TTC38: variants seen among roughly 807,000 people sequenced by gnomAD.
TTC38 encodes tetratricopeptide repeat protein 38.
Under a neutral mutation model 64.2 loss-of-function variants are expected in TTC38, and 64 were observed. The observed-to-expected ratio is 1.00, with a 90% CI of 0.81 to 1.23. TTC38 has a LOEUF of 1.23. Ranked by LOEUF, TTC38 falls within the 50% of genes most tolerant of loss-of-function variation. The pLI is 0.00. For missense variants in TTC38, 573 were observed against 615.5 expected (o/e 0.93, Z 0.73); for synonymous variants, 254 against 249.3 (o/e 1.02, Z -0.18).
rs374547791 is a variant in TTC38 at position 46,288,468 on chromosome 22, G to C, written c.962G>C (p.Arg321Pro). The C allele has an allele frequency of 1.2e-6, 2 of 1,613,864 alleles. No individual in the cohort carries two copies. The highest frequency in any genetic ancestry group is 1.7e-5 in the Admixed American group (1 of 59,996). The change falls in exon 11 of 14, where the codon CGG becomes CCG. Residue 321 changes from arginine (R) to proline (P), a missense_variant. Physicochemically the swap from Arg to Pro is moderately radical, Grantham distance 103 (BLOSUM62 -2). Around this residue, in one of 3 missense-constraint regions of TTC38, gnomAD observed 371 missense variants for 381.8 expected, o/e 0.97. Coordinates refer to ENST00000381031, the MANE Select transcript of TTC38 (RefSeq NM_017931.4). ...TGGCAGGATGTCCTGCCTGTGGCCC[G>C]GAAGCACAGCCGAGACCACATCCTG... ...QRWQDVLPVA[R>P]KHSRDHILLF...
chr22:46,280,499 AAGC>A (rs1476726234), intron 6 of TTC38, among the ~76,000 whole-genome samples: 4 of 152,248 alleles, frequency 2.6e-5, no homozygotes, highest in African/African-American at 9.6e-5. Context: ...CCATTCGTGA[AAGC>A]AGCATGCTTA....
In TTC38 at chr22:46,281,710, T is replaced by G. The variant is rs130642; in HGVS notation, c.727T>G (p.Phe243Val). 1.2e-6 allele frequency: 2 copies of G among 1,613,858 alleles called. No homozygotes were observed. Among genetic ancestry groups the G allele is most frequent in the African/African-American group, 2.7e-5 (2 of 74,938 alleles). Residue 243 changes from phenylalanine (F) to valine (V), a missense_variant, in exon 7 of 14, where the codon TTC becomes GTC. By Grantham distance (50) the Phe-to-Val change is conservative. Around this residue, in one of 3 missense-constraint regions of TTC38, gnomAD observed 371 missense variants for 381.8 expected, o/e 0.97. Coordinates refer to ENST00000381031, the MANE Select transcript of TTC38 (RefSeq NM_017931.4). The surrounding 1 kb of genome is among the most constrained non-coding windows in gnomAD (Gnocchi z 5.2). ...GLEFMQHSETFWKDSDMLACH... is the reference protein window; with the variant it reads ...GLEFMQHSETVWKDSDMLACH... Reference sequence around the variant, plus strand: ...GGAATTCATGCAGCACTCAGAGACCTTCTGGAAGGTATGATGCTTGTCAAT... The same window carrying G: ...GGAATTCATGCAGCACTCAGAGACCGTCTGGAAGGTATGATGCTTGTCAAT...
At position 46,268,701 on chromosome 22, in the gene TTC38, T is replaced by C. The variant is rs1330885020; in HGVS notation, c.111+110T>C. ...TGTTTTGTTTTGTTTTGTTTTGTTT[T>C]TGAGGCGGAGTCTCGCTCTGTCGCC... On this transcript the variant is annotated intron_variant, in intron 2 of 13. Transcript: ENST00000381031. The C allele has an allele frequency of 1.8e-6, 2 of 1,091,484 alleles. 1 individual carries two copies. The highest frequency in any genetic ancestry group is 3.3e-5 in the African/African-American group (2 of 61,122). 67.6% of individuals were successfully genotyped at this position (1,091,484 alleles called of 1,614,324 possible). A position where few individuals can be genotyped will look rare whatever the true frequency, so the allele number is the denominator to read the frequency against.
chr22:46,292,664 T>C lies in TTC38; in HGVS notation c.1317-127T>C, dbSNP rs975390563. The C allele has an allele frequency of 1.8e-5, 15 of 829,648 alleles. No individual in the cohort carries two copies. Among genetic ancestry groups the C allele is most frequent in the Admixed American group, 5.8e-5 (3 of 51,660 alleles). The allele number at this position is 829,648 out of a possible 1,614,324, so 51.4% of individuals were successfully genotyped here. On this transcript the variant is annotated intron_variant, in intron 13 of 13. Transcript: ENST00000381031. The surrounding 1 kb of genome is among the most constrained non-coding windows in gnomAD (Gnocchi z 6.5). Reference sequence around the variant, plus strand: ...GGCCAGGCCTCCTGCCCCTGGGCCTTGGCCCTTGCTGTTCCCTCAGTGCCG... The same window carrying C: ...GGCCAGGCCTCCTGCCCCTGGGCCTCGGCCCTTGCTGTTCCCTCAGTGCCG...
chr22:46,268,286 C>T (rs1481734179), intron 1 of TTC38, among the ~76,000 whole-genome samples: 2 of 152,210 alleles, frequency 1.3e-5, no homozygotes, highest in South Asian at 2.1e-4. Flanking sequence ...TCAGGGTACT[C>T]GGGAGACCCC....
rs1353878240 is a variant in TTC38, at chr22:46,284,106, G to C, written c.795+74G>C. The stretch of plus-strand genomic sequence containing the variant: ...AGGGAGAAAGATTTTTCTAGCTTTT[G>C]CTATGTATTCACATCCGTTGGAGCC... On this transcript the variant is annotated intron_variant, in intron 8 of 13. Transcript: ENST00000381031. 2.3e-6 allele frequency: 3 copies of C among 1,320,668 alleles called. No individual in the cohort carries two copies. In the African/African-American group the frequency reaches 4.4e-5, roughly 19 times the overall value. The allele number at this position is 1,320,668 out of a possible 1,614,324, so 81.8% of individuals were successfully genotyped here.
In TTC38 at chr22:46,291,813, G is replaced by A. The variant is rs1293860458; in HGVS notation, c.1317-978G>A. Reference sequence around the variant, plus strand: ...CTACTAAAAATACAAAAAATTAGCCGGGCGTGGTGGTGGGTACCTGTAATC... The same window carrying A: ...CTACTAAAAATACAAAAAATTAGCCAGGCGTGGTGGTGGGTACCTGTAATC... On this transcript the variant is annotated intron_variant, in intron 13 of 13. Transcript: ENST00000381031. The surrounding 1 kb of genome is among the most constrained non-coding windows in gnomAD (Gnocchi z 4.6). 1.3e-5 allele frequency among the ~76,000 whole-genome samples: 2 copies of A among 152,136 alleles called. No individual in the cohort carries two copies. The highest frequency in any genetic ancestry group is 2.9e-5 in the Non-Finnish European group (2 of 68,032).
Position 46,291,235 on chromosome 22 carries a change from T to C in TTC38, c.1316+1336T>C, listed in dbSNP as rs572156301. On this transcript the variant is annotated intron_variant, in intron 13 of 13. Coordinates refer to ENST00000381031, the MANE Select transcript of TTC38 (RefSeq NM_017931.4). This position sits in a 1 kb window ranked among gnomAD's most constrained non-coding sequence, Gnocchi z 4.6. ...TTGGTGGTCAAGCCCCCTGGGGAGC[T>C]CAGGCTGTGGTGTGGGTGGGAGTTG... Among the ~76,000 whole-genome samples, 1 of 152,286 alleles carries C rather than the reference T, an allele frequency of 6.6e-6. No homozygotes were observed. The highest frequency in any genetic ancestry group is 1.9e-4 in the East Asian group (1 of 5,184).
Position 46,289,796 on chromosome 22 carries a change from G to A in TTC38, c.1243-30G>A, listed in dbSNP as rs1415558885. On this transcript the variant is annotated intron_variant, in intron 12 of 13. Coordinates refer to ENST00000381031, the MANE Select transcript of TTC38 (RefSeq NM_017931.4). ...CTCGCCTCCCCCATCCTGAGGTACAGGAGACTCACATGCCCGATTGACATT... is the reference window on the plus strand; with the variant it reads ...CTCGCCTCCCCCATCCTGAGGTACAAGAGACTCACATGCCCGATTGACATT... The A allele has an allele frequency of 1.9e-6, 3 of 1,612,888 alleles. No individual in the cohort carries two copies. The African/African-American group carries it at 4.0e-5, about 22-fold the overall frequency.
At position 46,292,423 on chromosome 22, in the gene TTC38, C is replaced by G. The variant is rs541517347; in HGVS notation, c.1317-368C>G. On this transcript the variant is annotated intron_variant, in intron 13 of 13. Transcript: ENST00000381031. The surrounding 1 kb of genome is among the most constrained non-coding windows in gnomAD (Gnocchi z 6.5). ...TTAATCACCTCCAAGAGGCCCTGTT[C>G]TTAATACCATCACCTTGGGCATTTG... 1 of 309,700 alleles carries G rather than the reference C, an allele frequency of 3.2e-6. No homozygotes were observed. Among genetic ancestry groups the G allele is most frequent in the East Asian group, 7.2e-5 (1 of 13,816 alleles). The allele number at this position is 309,700 out of a possible 1,614,324, so 19.2% of individuals were successfully genotyped here.
chr22:46,275,843 TGGG>T lies in TTC38; in HGVS notation c.539+426_539+428del, dbSNP rs1330475602. The stretch of plus-strand genomic sequence containing the variant: ...CTAAGAGGGAAAAGCAAGCTTTCCT[TGGG>T]GGGCTTACAATGGCAATTAAAGGTT... On this transcript the variant is annotated intron_variant, in intron 5 of 13. Coordinates refer to ENST00000381031, the MANE Select transcript of TTC38 (RefSeq NM_017931.4). This position sits in a 1 kb window ranked among gnomAD's most constrained non-coding sequence, Gnocchi z 4.5. Among the ~76,000 whole-genome samples, 2 of 152,156 alleles carry T rather than the reference TGGG, an allele frequency of 1.3e-5. No homozygotes were observed. The highest frequency in any genetic ancestry group is 2.9e-5 in the Non-Finnish European group (2 of 68,024).
intron 10 of TTC38, among the ~76,000 whole-genome samples, chr22:46,288,097 T>A (rs551436027): frequency 6.6e-6 from 1 of 152,062 alleles, no homozygotes; most frequent in Non-Finnish European, 1.5e-5. Flanking sequence ...GGGGGATCCA[T>A]TGGGAAGCCA....
rs1333154103 is a variant in TTC38 at position 46,273,719 on chromosome 22, A to G, written c.194-179A>G. On this transcript the variant is annotated intron_variant, in intron 3 of 13. Transcript: ENST00000381031. The surrounding 1 kb of genome is among the most constrained non-coding windows in gnomAD (Gnocchi z 5.1). ...TGCCTTTAGGCTTGCAGTTCCCTCC[A>G]TGCTTGACAAGAGCCGAGGCTGAGT... is the stretch of plus-strand genomic sequence containing the variant. Among the ~76,000 whole-genome samples, 14 of 152,190 alleles carry G rather than the reference A, an allele frequency of 9.2e-5. No individual in the cohort carries two copies. The highest frequency in any genetic ancestry group is 9.2e-4 in the Admixed American group (14 of 15,286).
chr22:46,285,344 A>G, intron 9 of TTC38, 65 bp downstream of exon 9: 3 of 1,470,858 alleles, frequency 2.0e-6, no homozygotes, highest in Non-Finnish European at 2.9e-6. Context: ...CAAAGAGACC[A>G]GATTTTTGAG....
intron 13 of TTC38, among the ~76,000 whole-genome samples, chr22:46,290,527 TTAG>T (rs2077606808): frequency 9.1e-6 from 1 of 109,760 alleles, no homozygotes; most frequent in Non-Finnish European, 2.0e-5. Flanking sequence ...GGTGAGTGTG[TTAG>T]GGCAGCGTGG....
At chr22:46,268,748 T>G (rs1936822291) in intron 2 of TTC38, 157 bp downstream of exon 2, 4 of 674,116 alleles carry the variant, frequency 5.9e-6, no homozygotes, top group African/African-American at 3.6e-5. Flanking sequence ...GCAGTGGCGC[T>G]ATTTCGGCTC....
Position 46,274,291 on chromosome 22 carries a change from C to A in TTC38, c.365+222C>A, listed in dbSNP as rs1479578916. 6.6e-6 allele frequency among the ~76,000 whole-genome samples: 1 copy of A among 152,106 alleles called. No homozygotes were observed. The highest frequency in any genetic ancestry group is 1.5e-5 in the Non-Finnish European group (1 of 68,028). ...TTGGTGAAGATTCCCAACTTAGTGT[C>A]CAAAGTAACTTGCTTTGTTTCATTA... On this transcript the variant is annotated intron_variant, in intron 4 of 13. Transcript: ENST00000381031. The surrounding 1 kb of genome is among the most constrained non-coding windows in gnomAD (Gnocchi z 4.8).
chr22:46,279,736 G>A (rs2077519847), intron 6 of TTC38, among the ~76,000 whole-genome samples: 1 of 152,210 alleles, frequency 6.6e-6, no homozygotes, highest in South Asian at 2.1e-4. Context: ...CAGGGCAGGT[G>A]GGGGACCCGA....
rs1432535565 is a variant in TTC38, at chr22:46,274,111, G to A, written c.365+42G>A. The stretch of plus-strand genomic sequence containing the variant: ...GGCTGGGAGCTGGCACCCTGAGGCT[G>A]AGCTGGGGGAGTGGCAGGGTATCCC... On this transcript the variant is annotated intron_variant, in intron 4 of 13. Coordinates refer to ENST00000381031, the MANE Select transcript of TTC38 (RefSeq NM_017931.4). The surrounding 1 kb of genome is among the most constrained non-coding windows in gnomAD (Gnocchi z 4.8). The A allele has an allele frequency of 6.3e-7, 1 of 1,592,360 alleles. No homozygotes were observed. Among genetic ancestry groups the A allele is most frequent in the Non-Finnish European group, 8.6e-7 (1 of 1,163,594 alleles).
Sources: allele counts gnomAD v4.1 joint callset (sites outside exome capture counted in the v4.1 genomes callset), GRCh38; gene constraint gnomAD v4.1.1; regional missense constraint gnomAD v4.1.1; non-coding constraint Gnocchi (gnomAD v3.1); transcripts MANE v1.5; gene names NCBI Gene and HGNC (gene_info 2026-07-23, HGNC 2026-07-21).